MAP3K6: variants seen among roughly 807,000 people sequenced by gnomAD.
MAP3K6 encodes the protein mitogen-activated protein kinase kinase kinase 6.
In MAP3K6, 105 loss-of-function variants were observed where a neutral mutation model predicts 147.1. The observed-to-expected ratio is 0.71, with a 90% confidence interval of 0.61 to 0.84. The LOEUF (loss-of-function observed/expected upper bound fraction) is 0.84. Ranked by LOEUF, MAP3K6 falls within the 40% of genes least tolerant of loss-of-function variation. The probability of loss-of-function intolerance (pLI) is 0.00; values close to 1 mark genes in which losing one functional copy is unlikely to be tolerated. For synonymous variants in MAP3K6, 695 were observed against 732.4 expected (o/e 0.95, Z 0.82); for missense variants, 1,569 against 1,715.0 (o/e 0.91, Z 1.50).
In MAP3K6 at chr1:27,364,353, C is replaced by G; in HGVS notation, c.546G>C (p.Thr182=). ...CACCACACAGCACCCGACCAGTGGC[C>G]GTCACCACATAGGGGATCAGTGTGT... ...GSYTLIPYVV[T]ATGRVLCGDA... is the part of the protein sequence containing the mutation. Residue 182 remains threonine, a synonymous_variant, in exon 4 of 29, where the codon ACG becomes ACC. Transcript: ENST00000357582. This position sits in a 1 kb window ranked among gnomAD's most constrained non-coding sequence, Gnocchi z 4.4. 7 of 1,614,116 alleles carry G rather than the reference C, an allele frequency of 4.3e-6. No individual in the cohort carries two copies. Among genetic ancestry groups the G allele is most frequent in the Non-Finnish European group, 5.9e-6 (7 of 1,180,036 alleles).
Position 27,361,233 on chromosome 1 carries a change from G to C in MAP3K6, c.1756C>G (p.Arg586Gly), listed in dbSNP as rs757470650. Residue 586 changes from arginine to glycine, a missense_variant, in exon 13 of 29, where the codon CGC (arginine) becomes GGC (glycine). Physicochemically the swap from Arg to Gly is moderately radical, Grantham distance 125. Transcript: ENST00000357582. ...GGGAGTGCATAGAGGAAGCAGCAGC[G>C]CTCGTCGCGCTTTGAGGCGCTGGGA... ...CGVSASKRDE[R>G]CCFLYALPPA... The C allele has an allele frequency of 6.2e-7, 1 of 1,613,330 alleles. No individual in the cohort carries two copies. The highest frequency in any genetic ancestry group is 1.1e-5 in the South Asian group (1 of 90,930).
Position 27,358,398 on chromosome 1 carries a change from C to T in MAP3K6, c.2776+21G>A, listed in dbSNP as rs1444695294. 5 of 1,583,364 alleles carry T rather than the reference C, an allele frequency of 3.2e-6. No homozygotes were observed. The highest frequency in any genetic ancestry group is 4.3e-6 in the Non-Finnish European group (5 of 1,170,376). On this transcript the variant is annotated intron_variant, in intron 20 of 28. Coordinates refer to ENST00000357582, the MANE Select transcript of MAP3K6 (RefSeq NM_004672.5). This position sits in a 1 kb window ranked among gnomAD's most constrained non-coding sequence, Gnocchi z 6.2. ...CAACTCCTCTGCCCTCCACTGTGCC[C>T]ATCCCGCCACCCGCAAGCACCTGAG...
Position 27,360,638 on chromosome 1 carries a change from C to T in MAP3K6, c.2054+67G>A. 6.5e-7 allele frequency: 1 copy of T among 1,546,052 alleles called. No homozygotes were observed. Among genetic ancestry groups the T allele is most frequent in the Non-Finnish European group, 8.7e-7 (1 of 1,149,202 alleles). Reference sequence around the variant, plus strand: ...TAGGCCCCGCCCACAGGAGCCGCTCCGCTCGTGGCCCGGCTCACTCGGCCC... The same window carrying T: ...TAGGCCCCGCCCACAGGAGCCGCTCTGCTCGTGGCCCGGCTCACTCGGCCC... On this transcript the variant is annotated intron_variant, in intron 15 of 28. Coordinates refer to ENST00000357582, the MANE Select transcript of MAP3K6 (RefSeq NM_004672.5). This position sits in a 1 kb window ranked among gnomAD's most constrained non-coding sequence, Gnocchi z 4.5.
In MAP3K6 at chr1:27,357,962, A is replaced by G; in HGVS notation, c.2916-86T>C. On this transcript the variant is annotated intron_variant, in intron 21 of 28. Transcript: ENST00000357582. ...GCCGGGTTTGAATCCTGGCTCTCCT[A>G]CTTTTATGCCTACCTCACAGGCATG... The G allele has an allele frequency of 2.7e-6, 4 of 1,481,562 alleles. No homozygotes were observed. The South Asian group carries it at 5.4e-5, about 20-fold the overall frequency. 91.8% of individuals were successfully genotyped at this position (1,481,562 alleles called of 1,614,324 possible).
Position 27,360,895 on chromosome 1 carries a change from G to C in MAP3K6, c.1920+26C>G. On this transcript the variant is annotated intron_variant, in intron 14 of 28. Coordinates refer to ENST00000357582, the MANE Select transcript of MAP3K6 (RefSeq NM_004672.5). This position sits in a 1 kb window ranked among gnomAD's most constrained non-coding sequence, Gnocchi z 4.5. Reference sequence around the variant, plus strand: ...CAGGGCCCGCGGCCCCTCGCCCTCCGCGAGCTCCCAGTCCCGCGTCCTCAC... The same window carrying C: ...CAGGGCCCGCGGCCCCTCGCCCTCCCCGAGCTCCCAGTCCCGCGTCCTCAC... 6.2e-7 allele frequency: 1 copy of C among 1,608,196 alleles called. No individual in the cohort carries two copies. The highest frequency in any genetic ancestry group is 8.5e-7 in the Non-Finnish European group (1 of 1,176,922).
rs2015668899 is a variant in MAP3K6, at chr1:27,359,637, C to A, written c.2320-115G>T. On this transcript the variant is annotated intron_variant, in intron 17 of 28. Coordinates refer to ENST00000357582, the MANE Select transcript of MAP3K6 (RefSeq NM_004672.5). This position sits in a 1 kb window ranked among gnomAD's most constrained non-coding sequence, Gnocchi z 4.4. Reference sequence around the variant, plus strand: ...GCCTGGTCCTGCCTCTGTCAACACTCTCCCCTTGCCATCCCACTTATATGC... The same window carrying A: ...GCCTGGTCCTGCCTCTGTCAACACTATCCCCTTGCCATCCCACTTATATGC... 42 of 1,488,772 alleles carry A rather than the reference C, an allele frequency of 2.8e-5. No individual in the cohort carries two copies. The South Asian group carries it at 5.2e-4, about 18-fold the overall frequency. The allele number at this position is 1,488,772 out of a possible 1,614,324, so 92.2% of individuals were successfully genotyped here. A position where few individuals can be genotyped will look rare whatever the true frequency, so the allele number is the denominator to read the frequency against.
chr1:27,364,430 G>A lies in MAP3K6; in HGVS notation c.505-36C>T. 6.2e-7 allele frequency: 1 copy of A among 1,609,328 alleles called. No homozygotes were observed. Among genetic ancestry groups the A allele is most frequent in the Admixed American group, 1.7e-5 (1 of 59,966 alleles). On this transcript the variant is annotated intron_variant, in intron 3 of 28. Transcript: ENST00000357582. This position sits in a 1 kb window ranked among gnomAD's most constrained non-coding sequence, Gnocchi z 4.4. ...GGAGGCAGGAATCAGTGAGGTCAGA[G>A]GTCAGCACAGGGCTAGACAAGGGGA...
rs755281486 is a variant in MAP3K6 at position 27,357,093 on chromosome 1, G to A, written c.3280C>T (p.Arg1094Cys). 4 of 1,613,900 alleles carry A rather than the reference G, an allele frequency of 2.5e-6. No homozygotes were observed. The African/African-American group carries it at 4.0e-5, about 16-fold the overall frequency. ...AACATCCAGTGTGGACGGATCTGGC[G>A]CTTGCGGAGGATCTGCTTCACCTGC... ...PDAVKQILRK[R>C]QIRPHWMFVL... is the part of the protein sequence containing the mutation. Residue 1094 changes from arginine to cysteine, a missense_variant, in exon 24 of 29, where the codon CGC becomes TGC. By Grantham distance (180) the Arg-to-Cys change is radical. Transcript: ENST00000357582.
Position 27,359,274 on chromosome 1 carries a change from C to A in MAP3K6, c.2425+143G>T. 1 of 1,215,276 alleles carries A rather than the reference C, an allele frequency of 8.2e-7. No homozygotes were observed. The allele number at this position is 1,215,276 out of a possible 1,614,324, so 75.3% of individuals were successfully genotyped here. A position where few individuals can be genotyped will look rare whatever the true frequency, so the allele number is the denominator to read the frequency against. ...CAGTTCCAGATGCCACCACCTCAGCCCTGGCCCAATCACTCACCCTGGGTT... is the reference window on the plus strand; with the variant it reads ...CAGTTCCAGATGCCACCACCTCAGCACTGGCCCAATCACTCACCCTGGGTT... On this transcript the variant is annotated intron_variant, in intron 18 of 28. Coordinates refer to ENST00000357582, the MANE Select transcript of MAP3K6 (RefSeq NM_004672.5). The surrounding 1 kb of genome is among the most constrained non-coding windows in gnomAD (Gnocchi z 4.4).
chr1:27,355,741 A>G lies in MAP3K6; in HGVS notation c.3716T>C (p.Leu1239Ser), dbSNP rs1430313974. 6.2e-7 allele frequency: 1 copy of G among 1,613,980 alleles called. No individual in the cohort carries two copies. Among genetic ancestry groups the G allele is most frequent in the Non-Finnish European group, 8.5e-7 (1 of 1,179,970 alleles). Residue 1239 changes from leucine to serine, a missense_variant, in exon 28 of 29, where the codon TTG becomes TCG. Leu to Ser is a moderately radical substitution (Grantham distance 145). Transcript: ENST00000357582. ...NVDSGTIQMLLNHSFTLHTLL... is the reference protein window; with the variant it reads ...NVDSGTIQMLSNHSFTLHTLL... ...AGTGTGGAGGGTGAAGCTATGGTTC[A>G]ACAGCTGGATGTGGTCAAAGACCCG...
In MAP3K6 at chr1:27,360,503, C is replaced by G; in HGVS notation, c.2055-135G>C. The G allele has an allele frequency of 1.5e-6, 2 of 1,309,404 alleles. No individual in the cohort carries two copies. Among genetic ancestry groups the G allele is most frequent in the Non-Finnish European group, 2.0e-6 (2 of 980,338 alleles). 81.1% of individuals were successfully genotyped at this position (1,309,404 alleles called of 1,614,324 possible). ...CTCCGACCTTCCCCACCCTTACTAC[C>G]CTGCCCACAGGACCCTCCAGACCTC... On this transcript the variant is annotated intron_variant, in intron 15 of 28. Coordinates refer to ENST00000357582, the MANE Select transcript of MAP3K6 (RefSeq NM_004672.5). This position sits in a 1 kb window ranked among gnomAD's most constrained non-coding sequence, Gnocchi z 4.5.
intron 1 of MAP3K6, among the ~76,000 whole-genome samples, chr1:27,365,712 T>A (rs1329222533): frequency 6.6e-6 from 1 of 150,418 alleles, no homozygotes; most frequent in Non-Finnish European, 1.5e-5. Context: ...TCACCCAGTA[T>A]CCAGTCCCGT....
rs761175115 is a variant in MAP3K6, at chr1:27,357,594, G to T, written c.3082-18C>A. On this transcript the variant is annotated intron_variant, in intron 22 of 28. Transcript: ENST00000357582. Reference sequence around the variant, plus strand: ...CGGGCCCCCTGAGAAGGAAGAGAGGGGTTGTCAGCGAGTGCTCCAGCCAAA... The same window carrying T: ...CGGGCCCCCTGAGAAGGAAGAGAGGTGTTGTCAGCGAGTGCTCCAGCCAAA... The T allele has an allele frequency of 1.3e-5, 21 of 1,598,486 alleles. No individual in the cohort carries two copies. Among genetic ancestry groups the T allele is most frequent in the Non-Finnish European group, 1.8e-5 (21 of 1,171,438 alleles).
At chr1:27,361,962 G>T in intron 9 of MAP3K6, 95 bp from the exon 10 acceptor site, 3 of 1,499,084 alleles carry the variant, frequency 2.0e-6, no homozygotes, top group Non-Finnish European at 2.7e-6. Context: ...ACGTTGGCAT[G>T]GGGTGCCACG....
Position 27,366,095 on chromosome 1 carries a change from C to CT in MAP3K6, c.340+162dup, listed in dbSNP as rs1052984144. ...CGCGCCCCAGATCCCCTAAATCCCA[C>CT]TTTTTTCACGGCCCTGTCCCAAGCC... is the stretch of plus-strand genomic sequence containing the variant. On this transcript the variant is annotated intron_variant, in intron 1 of 28. Transcript: ENST00000357582. This position sits in a 1 kb window ranked among gnomAD's most constrained non-coding sequence, Gnocchi z 5.5. 2.0e-5 allele frequency among the ~76,000 whole-genome samples: 3 copies of CT among 152,084 alleles called. No homozygotes were observed. Among genetic ancestry groups the CT allele is most frequent in the African/African-American group, 4.8e-5 (2 of 41,402 alleles).
rs1487434738 is a variant in MAP3K6, at chr1:27,357,790, C to A, written c.3002G>T (p.Arg1001Leu). The A allele has an allele frequency of 1.2e-6, 2 of 1,608,960 alleles. No individual in the cohort carries two copies. Among genetic ancestry groups the A allele is most frequent in the Non-Finnish European group, 1.7e-6 (2 of 1,178,802 alleles). Residue 1001 changes from arginine (R) to leucine (L), a missense_variant, in exon 22 of 29, where the codon CGG becomes CTG. Arg to Leu is a moderately radical substitution (Grantham distance 102). Coordinates refer to ENST00000357582, the MANE Select transcript of MAP3K6 (RefSeq NM_004672.5). Reference sequence around the variant, plus strand: ...CTCCAATACTGCGGCCAGCATGGCCCGACGCTTGCTCTCCTGGTGCAGCAG... The same window carrying A: ...CTCCAATACTGCGGCCAGCATGGCCAGACGCTTGCTCTCCTGGTGCAGCAG... ...LSLLHQESKR[R>L]AMLAAVLEQE... is the part of the protein sequence containing the mutation.
At position 27,366,156 on chromosome 1, in the gene MAP3K6, G is replaced by T; in HGVS notation, c.340+102C>A. The T allele has an allele frequency of 1.7e-6, 2 of 1,167,284 alleles. No homozygotes were observed. Among genetic ancestry groups the T allele is most frequent in the Non-Finnish European group, 2.2e-6 (2 of 926,152 alleles). 72.3% of individuals were successfully genotyped at this position (1,167,284 alleles called of 1,614,324 possible). On this transcript the variant is annotated intron_variant, in intron 1 of 28. Coordinates refer to ENST00000357582, the MANE Select transcript of MAP3K6 (RefSeq NM_004672.5). The surrounding 1 kb of genome is among the most constrained non-coding windows in gnomAD (Gnocchi z 5.5). The stretch of plus-strand genomic sequence containing the variant: ...AGCTCACTTTAAGTCCCCTAGACCC[G>T]GTACCCCTCTCGGCCCCTCCCTTGA...
At position 27,362,763 on chromosome 1, in the gene MAP3K6, G is replaced by C. The variant is rs748046089; in HGVS notation, c.1143-10C>G. On this transcript the variant is annotated splice_polypyrimidine_tract_variant and intron_variant, in intron 7 of 28. Coordinates refer to ENST00000357582, the MANE Select transcript of MAP3K6 (RefSeq NM_004672.5). ...AAAAGCCTTGCGATACCTGGGGTGGGGGTAGGGGGCACAGGGCTGGACTGA... is the reference window on the plus strand; with the variant it reads ...AAAAGCCTTGCGATACCTGGGGTGGCGGTAGGGGGCACAGGGCTGGACTGA... The C allele has an allele frequency of 1.2e-6, 2 of 1,612,352 alleles. No homozygotes were observed. The highest frequency in any genetic ancestry group is 1.7e-6 in the Non-Finnish European group (2 of 1,178,978).
At position 27,359,149 on chromosome 1, in the gene MAP3K6, C is replaced by A. The variant is rs1001413679; in HGVS notation, c.2425+268G>T. Among the ~76,000 whole-genome samples, 20 of 152,262 alleles carry A rather than the reference C, an allele frequency of 1.3e-4. No homozygotes were observed. Among genetic ancestry groups the A allele is most frequent in the African/African-American group, 4.1e-4 (17 of 41,548 alleles). On this transcript the variant is annotated intron_variant, in intron 18 of 28. Transcript: ENST00000357582. The surrounding 1 kb of genome is among the most constrained non-coding windows in gnomAD (Gnocchi z 4.4). ...CAGCACACATCCTGGATTGCCTCGT[C>A]CCCCTGAACTCCATCACCTGCTTTT...
Sources: gnomAD v4.1 joint callset for allele counts (sites outside exome capture counted in the v4.1 genomes callset) on GRCh38, gnomAD v4.1.1 for gene constraint, Gnocchi (gnomAD v3.1) non-coding constraint, MANE v1.5 for transcripts, NCBI Gene and HGNC (gene_info 2026-07-23, HGNC 2026-07-21) for gene names.